IL15: variants seen among roughly 807,000 people sequenced by gnomAD.
The protein encoded by IL15 is interleukin-15.
Under a neutral mutation model 19.6 loss-of-function variants are expected in IL15, and 11 were observed. That is an observed-to-expected ratio of 0.56 (90% confidence interval 0.35 to 0.93). The LOEUF (loss-of-function observed/expected upper bound fraction) is 0.93. Among genes scored for constraint, IL15 ranks in the 40% least tolerant of loss-of-function variants. The pLI is 0.01. For missense variants in IL15, 197 were observed against 186.5 expected (o/e 1.06, Z -0.33); for synonymous variants, 58 against 59.6 (o/e 0.97, Z 0.12).
intron 2 of IL15, among the ~76,000 whole-genome samples, chr4:141,712,524 A>C (rs912460647): frequency 2.0e-5 from 3 of 151,572 alleles, no homozygotes; most frequent in African/African-American, 7.3e-5. Flanking sequence ...CTCCAGCTAC[A>C]TAAATGAATA....
intron 1 of IL15, among the ~76,000 whole-genome samples, chr4:141,653,963 C>T (rs1727499839): frequency 1.3e-5 from 2 of 152,186 alleles, no homozygotes; most frequent in Non-Finnish European, 1.5e-5. Context: ...TAAAAGAAAT[C>T]TTGCAATAAT....
In IL15 at chr4:141,662,166, G is replaced by GT. The variant is rs113594170; in HGVS notation, c.-100+5860dup. 3.4e-3 allele frequency among the ~76,000 whole-genome samples: 512 copies of GT among 152,338 alleles called. 2 individuals carry two copies. Among genetic ancestry groups the GT allele is most frequent in the African/African-American group, 0.011 (469 of 41,582 alleles). On this transcript the variant is annotated intron_variant, in intron 2 of 7. Transcript: ENST00000320650. ...AATGTTCCAAGAGGACCTAACAAAAGTAAGTTTTGCCATTGAGTACAATGC... is the reference window on the plus strand; with the variant it reads ...AATGTTCCAAGAGGACCTAACAAAAGTTAAGTTTTGCCATTGAGTACAATGC...
At chr4:141,642,193 T>C (rs1438422396) in intron 1 of IL15, among the ~76,000 whole-genome samples, 1 of 152,114 alleles carries the variant, frequency 6.6e-6, no homozygotes, top group African/African-American at 2.4e-5. Flanking sequence ...AGATTCTGGA[T>C]AGGGAGAGAT....
At chr4:141,658,424 A>G (rs1415121224) in intron 2 of IL15, among the ~76,000 whole-genome samples, 1 of 152,114 alleles carries the variant, frequency 6.6e-6, no homozygotes, top group African/African-American at 2.4e-5. Context: ...TTTCAGCTCC[A>G]CTATAATCTT....
chr4:141,692,774 C>T (rs1337781190), intron 2 of IL15, among the ~76,000 whole-genome samples: 1 of 151,942 alleles, frequency 6.6e-6, no homozygotes, highest in African/African-American at 2.4e-5. Context: ...AATTATACAA[C>T]AAGTCTCTAG....
chr4:141,710,542 T>C (rs777098645), intron 2 of IL15, among the ~76,000 whole-genome samples: 142 of 152,192 alleles, frequency 9.3e-4, no homozygotes, highest in Non-Finnish European at 5.3e-4. Flanking sequence ...TTAGTATCCA[T>C]CTCTTAGTAA....
intron 2 of IL15, among the ~76,000 whole-genome samples, chr4:141,692,377 C>G (rs1728943097): frequency 6.6e-6 from 1 of 152,234 alleles, no homozygotes; most frequent in African/African-American, 2.4e-5. Flanking sequence ...GTTACTTAGG[C>G]AAATTTCTGC....
At chr4:141,659,835 G>A (rs185269935) in intron 2 of IL15, among the ~76,000 whole-genome samples, 19 of 152,220 alleles carry the variant, frequency 1.2e-4, no homozygotes, top group Non-Finnish European at 2.6e-4. Flanking sequence ...AGAGTGTCGT[G>A]TGCCTTCTGT....
intron 2 of IL15, among the ~76,000 whole-genome samples, chr4:141,657,637 C>T (rs1455058081): frequency 6.6e-6 from 1 of 151,856 alleles, no homozygotes; most frequent in African/African-American, 2.4e-5. Context: ...GACATAAACT[C>T]ACACATTAGC....
At chr4:141,687,481 A>T (rs566316234) in intron 2 of IL15, among the ~76,000 whole-genome samples, 236 of 152,214 alleles carry the variant, frequency 1.6e-3, no homozygotes, top group Non-Finnish European at 2.7e-3. Flanking sequence ...ACAGGCTAGG[A>T]CCACTCTCCA....
intron 2 of IL15, among the ~76,000 whole-genome samples, chr4:141,704,451 G>C (rs1264975452): frequency 6.6e-6 from 1 of 151,930 alleles, no homozygotes; most frequent in Non-Finnish European, 1.5e-5. Flanking sequence ...GTTTGCTACT[G>C]TCTTGTTAAG....
chr4:141,716,736 C>T (rs1729897053), intron 2 of IL15: 1 of 152,328 alleles, frequency 6.6e-6, no homozygotes, highest in Non-Finnish European at 1.5e-5. Context: ...CAACCCATGA[C>T]AGCTGAAGAA....
At chr4:141,677,739 A>G (rs1406030883) in intron 2 of IL15, among the ~76,000 whole-genome samples, 2 of 152,182 alleles carry the variant, frequency 1.3e-5, no homozygotes, top group Non-Finnish European at 2.9e-5. Flanking sequence ...CCTACCAGCC[A>G]GATAAAGTTC....
chr4:141,709,934 C>T (rs950703636), intron 2 of IL15, among the ~76,000 whole-genome samples: 2 of 152,010 alleles, frequency 1.3e-5, no homozygotes, highest in South Asian at 2.1e-4. Flanking sequence ...ACCCTCCCCC[C>T]ACACTAACTC....
chr4:141,661,984 T>C (rs932627661), intron 2 of IL15, among the ~76,000 whole-genome samples: 1 of 152,238 alleles, frequency 6.6e-6, no homozygotes, highest in Non-Finnish European at 1.5e-5. Flanking sequence ...TAAAAATGTA[T>C]TGCTTAATTT....
intron 2 of IL15, chr4:141,689,054 A>T: frequency 6.5e-6 from 1 of 154,344 alleles, no homozygotes; most frequent in Non-Finnish European, 1.4e-5. Context: ...TACAGCTCTT[A>T]AGGTGGCGCA....
intron 5 of IL15, among the ~76,000 whole-genome samples, chr4:141,723,624 C>T (rs1176417369): frequency 6.6e-6 from 1 of 152,194 alleles, no homozygotes; most frequent in South Asian, 2.1e-4. Flanking sequence ...TAGTTTATTA[C>T]AGCAGCTCTA....
chr4:141,678,195 TG>T (rs1728414312), intron 2 of IL15, among the ~76,000 whole-genome samples: 1 of 152,228 alleles, frequency 6.6e-6, no homozygotes, highest in African/African-American at 2.4e-5. Context: ...CGTTAGGTTT[TG>T]TTATGCCCCA....
At chr4:141,680,101 A>G (rs1728484252) in intron 2 of IL15, among the ~76,000 whole-genome samples, 1 of 152,156 alleles carries the variant, frequency 6.6e-6, no homozygotes, top group Non-Finnish European at 1.5e-5. Context: ...TGCAGGGGAA[A>G]ACAGCTGTTT....
Sources: allele counts gnomAD v4.1 joint callset (sites outside exome capture counted in the v4.1 genomes callset), GRCh38; gene constraint gnomAD v4.1.1; transcripts MANE v1.5; gene names NCBI Gene and HGNC (gene_info 2026-07-23, HGNC 2026-07-21).